Variants in FRMPD1 observed in about 807,000 individuals in gnomAD.
FRMPD1 encodes the protein FERM and PDZ domain containing 1, also known as FERM and PDZ domain-containing protein 1.
In FRMPD1, 76 loss-of-function variants were observed where a neutral mutation model predicts 117.8. The ratio of observed to expected loss-of-function variants is 0.65; its 90% confidence interval spans 0.54 to 0.78. The LOEUF (loss-of-function observed/expected upper bound fraction) is 0.78. Ranked by LOEUF, FRMPD1 falls within the 30% of genes least tolerant of loss-of-function variation. The pLI, the probability that FRMPD1 is intolerant of heterozygous loss-of-function variation, is 0.00. For synonymous variants in FRMPD1, 783 were observed against 770.4 expected (o/e 1.02, Z -0.27); for missense variants, 1,786 against 1,964.5 (o/e 0.91, Z 1.72).
At chr9:37,626,261 G>A in the FRMPD1 span, among the ~76,000 whole-genome samples, 2 of 152,098 alleles carry the variant, frequency 1.3e-5, no homozygotes, top group Non-Finnish European at 1.5e-5. Context: ...CCCCAGAGGC[G>A]GAGGCTGCAG....
At chr9:37,626,215 C>A in the FRMPD1 span, among the ~76,000 whole-genome samples, 2 of 152,186 alleles carry the variant, frequency 1.3e-5, no homozygotes, top group African/African-American at 4.8e-5. Flanking sequence ...GTAATCCCAG[C>A]TACTTGGGAG....
intron 1 of FRMPD1, among the ~76,000 whole-genome samples, chr9:37,659,392 G>A (rs1820930978): frequency 6.6e-6 from 1 of 152,182 alleles, no homozygotes; most frequent in African/African-American, 2.4e-5. Flanking sequence ...GTACAGATGT[G>A]GGTGGGGCCC....
the FRMPD1 span, among the ~76,000 whole-genome samples, chr9:37,616,153 C>T: frequency 8.5e-6 from 1 of 117,180 alleles, no homozygotes; most frequent in Admixed American, 1.1e-4. Context: ...GAGTCTTACT[C>T]TGTCGCCCAG....
At chr9:37,705,360 C>T (rs931541792) in intron 2 of FRMPD1, among the ~76,000 whole-genome samples, 3 of 152,196 alleles carry the variant, frequency 2.0e-5, no homozygotes, top group African/African-American at 4.8e-5. Context: ...GATAGTCTCG[C>T]TCTGTCACCC....
At chr9:37,628,814 A>G in the FRMPD1 span, among the ~76,000 whole-genome samples, 1 of 152,206 alleles carries the variant, frequency 6.6e-6, no homozygotes, top group Non-Finnish European at 1.5e-5. Flanking sequence ...CGTCTTCCCT[A>G]TAAAATGAAT....
intron 5 of FRMPD1, among the ~76,000 whole-genome samples, chr9:37,712,350 C>G (rs994389134): frequency 6.6e-6 from 1 of 151,960 alleles, no homozygotes; most frequent in African/African-American, 2.4e-5. Flanking sequence ...AAAATTAAAA[C>G]TGTACTTCTT....
At chr9:37,646,000 C>T (rs887479861), upstream of FRMPD1, among the ~76,000 whole-genome samples, 4 of 152,136 alleles carry the variant, frequency 2.6e-5, no homozygotes, top group Non-Finnish European at 5.9e-5. Context: ...TTTCCCATAG[C>T]CACATAGCAA....
chr9:37,660,072 G>A (rs1343531341), intron 1 of FRMPD1, among the ~76,000 whole-genome samples: 4 of 151,880 alleles, frequency 2.6e-5, no homozygotes, highest in African/African-American at 9.7e-5. Context: ...CTGCCCCCAG[G>A]ATTCCTGTCC....
At chr9:37,680,926 T>G (rs943995631) in intron 1 of FRMPD1, among the ~76,000 whole-genome samples, 1 of 152,038 alleles carries the variant, frequency 6.6e-6, no homozygotes, top group African/African-American at 2.4e-5. Context: ...AGAAACAATT[T>G]GGGCTGGGCA....
intron 12 of FRMPD1, among the ~76,000 whole-genome samples, chr9:37,734,824 G>T (rs1437920456): frequency 6.6e-6 from 1 of 152,178 alleles, no homozygotes; most frequent in Non-Finnish European, 1.5e-5. Flanking sequence ...CTAGATCACA[G>T]AAAGGAAAGT....
the FRMPD1 span, among the ~76,000 whole-genome samples, chr9:37,633,144 A>T: frequency 6.6e-6 from 1 of 151,802 alleles, no homozygotes; most frequent in African/African-American, 2.4e-5. Context: ...GGTTCAAGCG[A>T]TTCTCCTGCC....
chr9:37,638,139 T>C, the FRMPD1 span, among the ~76,000 whole-genome samples: 2 of 151,704 alleles, frequency 1.3e-5, no homozygotes, highest in Non-Finnish European at 2.9e-5. Flanking sequence ...ACTGGCGTTA[T>C]CTCGGCTCGC....
Position 37,745,861 on chromosome 9 carries a change from C to T in FRMPD1, c.3829C>T (p.Leu1277Phe). The T allele has an allele frequency of 6.2e-7, 1 of 1,614,214 alleles. No homozygotes were observed. The highest frequency in any genetic ancestry group is 8.5e-7 in the Non-Finnish European group (1 of 1,180,030). The stretch of plus-strand genomic sequence containing the variant: ...CTTAGAAACTTCAAACCATTGCTTA[C>T]TCTCAGAAGGCAAAAGTGACAGCTC... ...PHLETSNHCL[L>F]SEGKSDSSSI... Residue 1277 changes from leucine (L) to phenylalanine (F), a missense_variant, in exon 16 of 16, where the codon CTC becomes TTC. Coordinates refer to ENST00000377765, the MANE Select transcript of FRMPD1 (RefSeq NM_014907.3).
rs1383319812 is a variant in FRMPD1, at chr9:37,746,207, C to T, written c.4175C>T (p.Pro1392Leu). The T allele has an allele frequency of 6.2e-7, 1 of 1,613,354 alleles. No individual in the cohort carries two copies. The highest frequency in any genetic ancestry group is 1.7e-5 in the Admixed American group (1 of 60,026). ...PARAHSCTTA[P>L]LSRKSHIWPE... ...CGAGCCCACAGCTGCACCACCGCAC[C>T]CCTGTCGAGGAAAAGCCACATCTGG... The change falls in exon 16 of 16, where the codon CCC becomes CTC. Residue 1392 changes from proline to leucine, a missense_variant. Coordinates refer to ENST00000377765, the MANE Select transcript of FRMPD1 (RefSeq NM_014907.3).
chr9:37,744,606 C>T lies in FRMPD1; in HGVS notation c.2574C>T (p.Ala858=), dbSNP rs888612172. ...SQVSFPLVPS[A]SLESVDDVCY... is the part of the protein sequence containing the mutation. ...TCTCATTTCCCCTGGTGCCATCAGC[C>T]TCCCTGGAGAGTGTAGACGACGTGT... The change falls in exon 16 of 16, where the codon GCC becomes GCT. Residue 858 remains alanine (A), a synonymous_variant. Coordinates refer to ENST00000377765, the MANE Select transcript of FRMPD1 (RefSeq NM_014907.3). 1 of 1,614,074 alleles carries T rather than the reference C, an allele frequency of 6.2e-7. No homozygotes were observed. Among genetic ancestry groups the T allele is most frequent in the East Asian group, 2.2e-5 (1 of 44,872 alleles).
At chr9:37,604,916 T>C in the FRMPD1 span, among the ~76,000 whole-genome samples, 1 of 152,330 alleles carries the variant, frequency 6.6e-6, no homozygotes, top group East Asian at 1.9e-4. Context: ...TGGTTCTAAA[T>C]CATTGAATAT....
Position 37,746,526 on chromosome 9 carries a change from C to G in FRMPD1, c.4494C>G (p.Val1498=), listed in dbSNP as rs1338382143. The change falls in exon 16 of 16, where the codon GTC becomes GTG. Residue 1498 remains valine, a synonymous_variant. Transcript: ENST00000377765. ...GAVRDTFQHL[V]QLAGLCFQFT... is the part of the protein sequence containing the mutation. ...TGCGTGACACCTTCCAGCACCTGGT[C>G]CAGCTGGCCGGCCTGTGCTTTCAGT... is the stretch of plus-strand genomic sequence containing the variant. The G allele has an allele frequency of 1.9e-6, 3 of 1,613,550 alleles. No homozygotes were observed. The African/African-American group carries it at 4.0e-5, about 22-fold the overall frequency.
the FRMPD1 span, among the ~76,000 whole-genome samples, chr9:37,625,064 T>C: frequency 6.6e-6 from 1 of 152,358 alleles, no homozygotes; most frequent in African/African-American, 2.4e-5. Flanking sequence ...TCAGATATTC[T>C]TGGAGTGAGA....
intron 2 of FRMPD1, among the ~76,000 whole-genome samples, chr9:37,698,164 C>T (rs955895077): frequency 3.3e-5 from 5 of 152,176 alleles, no homozygotes; most frequent in Non-Finnish European, 5.9e-5. Flanking sequence ...TCTTTTCCTT[C>T]GCAATTTCTT....
Sources: allele counts gnomAD v4.1 joint callset (sites outside exome capture counted in the v4.1 genomes callset), GRCh38; gene constraint gnomAD v4.1.1; transcripts MANE v1.5; gene names NCBI Gene and HGNC (gene_info 2026-07-23, HGNC 2026-07-21).